The following ACER3 variants were observed in gnomAD, a reference collection of about 807,000 sequenced individuals.
ACER3 encodes alkaline ceramidase 3.
In ACER3, 16 loss-of-function variants were observed where a neutral mutation model predicts 48.9. That is an observed-to-expected ratio of 0.33 (90% CI 0.22 to 0.50). The LOEUF is 0.50. ACER3 is among the 20% of genes least tolerant of loss of function. ACER3 has a pLI of 0.98. For missense variants in ACER3, 227 were observed against 326.0 expected, an observed-to-expected ratio of 0.70 and a Z score of 2.34; for synonymous variants, 109 against 107.8, an observed-to-expected ratio of 1.01 and a Z score of -0.07.
chr11:76,962,778 G>C (rs569037029), intron 3 of ACER3, among the ~76,000 whole-genome samples: 1 of 151,442 alleles, frequency 6.6e-6, no homozygotes, highest in Non-Finnish European at 1.5e-5. Context: ...GTGGGGTTTG[G>C]GGCTGCTACC....
intron 10 of ACER3, 31 bp downstream of exon 10, chr11:77,019,807 G>T (rs1486780962): frequency 1.2e-6 from 2 of 1,605,908 alleles, no homozygotes; most frequent in African/African-American, 2.7e-5. Context: ...CTGTGTGTGT[G>T]TTGGGGGTAT....
At chr11:76,963,808 C>T (rs1948062824) in intron 3 of ACER3, among the ~76,000 whole-genome samples, 1 of 151,376 alleles carries the variant, frequency 6.6e-6, no homozygotes, top group African/African-American at 2.5e-5. Flanking sequence ...CCACATTATG[C>T]TGCGTTAAGA....
Position 77,010,237 on chromosome 11 carries a change from A to G in ACER3, c.498-4779A>G, listed in dbSNP as rs373194684. On this transcript the variant is annotated intron_variant, in intron 7 of 10. Transcript: ENST00000532485. The stretch of plus-strand genomic sequence containing the variant: ...GTGGCATGCTCTTGTAGTCCTAACT[A>G]CTCGAGAGGCTGAGGTGGGAGGATT... Among the ~76,000 whole-genome samples, 119 of 151,628 alleles carry G rather than the reference A, an allele frequency of 7.8e-4. 1 individual carries two copies. In the East Asian group the frequency reaches 0.023, roughly 29 times the overall value.
At chr11:76,932,136 G>T (rs1947018774) in intron 2 of ACER3, among the ~76,000 whole-genome samples, 1 of 151,928 alleles carries the variant, frequency 6.6e-6, no homozygotes, top group Non-Finnish European at 1.5e-5. Context: ...TTTTTGTAGA[G>T]ACAGGATTTC....
chr11:76,877,434 A>C (rs1408133312), intron 1 of ACER3, among the ~76,000 whole-genome samples: 2 of 152,110 alleles, frequency 1.3e-5, no homozygotes, highest in African/African-American at 4.8e-5. Flanking sequence ...TGATAAGGAG[A>C]GATTCTAGAT....
chr11:76,954,811 A>T (rs1947793564), intron 2 of ACER3, among the ~76,000 whole-genome samples: 1 of 152,074 alleles, frequency 6.6e-6, no homozygotes, highest in Admixed American at 6.5e-5. Flanking sequence ...CATGTTGGGC[A>T]GGCTGGTCTC....
chr11:76,877,797 T>TGG (rs1945423714), intron 1 of ACER3, among the ~76,000 whole-genome samples: 1 of 152,126 alleles, frequency 6.6e-6, no homozygotes, highest in Non-Finnish European at 1.5e-5. Flanking sequence ...AGATAACCAG[T>TGG]ATACTTAATT....
chr11:76,987,264 T>C (rs1168142615), intron 5 of ACER3, among the ~76,000 whole-genome samples: 1 of 152,154 alleles, frequency 6.6e-6, no homozygotes, highest in East Asian at 1.9e-4. Flanking sequence ...GCTGTGGGGT[T>C]GAAAAGAAAC....
intron 1 of ACER3, among the ~76,000 whole-genome samples, chr11:76,862,798 A>C (rs933704086): frequency 2.6e-5 from 4 of 152,260 alleles, no homozygotes; most frequent in African/African-American, 7.2e-5. Flanking sequence ...TCTGTCACTG[A>C]AAGTGTTAAA....
At chr11:77,019,871 A>C (rs144129518) in intron 10 of ACER3, 95 bp downstream of exon 10, 17 of 1,309,414 alleles carry the variant, frequency 1.3e-5, no homozygotes, top group Non-Finnish European at 1.9e-5. Flanking sequence ...TTGGAGAGGT[A>C]GTGGAGCAAA....
chr11:76,971,227 C>T (rs2135125775), intron 3 of ACER3, among the ~76,000 whole-genome samples: 1 of 152,134 alleles, frequency 6.6e-6, no homozygotes, highest in Admixed American at 6.6e-5. Flanking sequence ...TCCCCAAAGG[C>T]TCAATGATTT....
intron 1 of ACER3, among the ~76,000 whole-genome samples, chr11:76,916,333 G>T (rs1946529538): frequency 6.6e-6 from 1 of 152,130 alleles, no homozygotes; most frequent in Admixed American, 6.5e-5. Flanking sequence ...CAGTCTGTCT[G>T]GTTTTCTTTT....
chr11:76,930,634 A>G lies in ACER3; in HGVS notation c.214+3967A>G, dbSNP rs1488382807. On this transcript the variant is annotated intron_variant, in intron 2 of 10. Transcript: ENST00000532485. ...ATACATTTCCCTCTACACACTACTT[A>G]AATGTGTCCCAGAGATTCTGGTATG... 1.0e-3 allele frequency among the ~76,000 whole-genome samples: 151 copies of G among 151,746 alleles called. 1 individual carries two copies. Among genetic ancestry groups the G allele is most frequent in the African/African-American group, 2.0e-3 (81 of 41,252 alleles).
chr11:76,981,295 T>G (rs1346117117), intron 4 of ACER3, among the ~76,000 whole-genome samples: 3 of 152,168 alleles, frequency 2.0e-5, no homozygotes, highest in Middle Eastern at 6.3e-3. Context: ...ATTCCCCCAT[T>G]CAGAAAGAGC....
chr11:77,019,674 G>C, intron 9 of ACER3, 57 bp from the exon 10 acceptor site: 2 of 1,556,294 alleles, frequency 1.3e-6, no homozygotes, highest in Non-Finnish European at 8.9e-7. Flanking sequence ...CAGTACGCCA[G>C]TTTGCATGAA....
intron 2 of ACER3, among the ~76,000 whole-genome samples, chr11:76,945,266 A>G (rs1046834150): frequency 6.6e-6 from 1 of 152,030 alleles, no homozygotes; most frequent in Non-Finnish European, 1.5e-5. Flanking sequence ...TGATGGTGTC[A>G]GTTTCCTGCT....
rs1287889048 is a variant in ACER3 at position 77,025,197 on chromosome 11, C to CT, written c.*4873dup. ...CAGCAACCATATTTATTAGAGAAAT[C>CT]TTTAAGCATATACATATGGTTCCCT... On this transcript the variant is annotated 3_prime_UTR_variant, in exon 11 of 11. Coordinates refer to ENST00000532485, the MANE Select transcript of ACER3 (RefSeq NM_018367.7). 2 of 151,938 alleles carry CT rather than the reference C, an allele frequency of 1.3e-5. No homozygotes were observed. Among genetic ancestry groups the CT allele is most frequent in the Admixed American group, 6.6e-5 (1 of 15,256 alleles). The allele number at this position is 151,938 out of a possible 1,614,324, so 9.4% of individuals were successfully genotyped here.
In ACER3 at chr11:77,024,899, G is replaced by A. The variant is rs1264024092; in HGVS notation, c.*4572G>A. 31 of 152,040 alleles carry A rather than the reference G, an allele frequency of 2.0e-4. No homozygotes were observed. The highest frequency in any genetic ancestry group is 1.5e-5 in the Non-Finnish European group (1 of 68,012). 9.4% of individuals were successfully genotyped at this position (152,040 alleles called of 1,614,324 possible). On this transcript the variant is annotated 3_prime_UTR_variant, in exon 11 of 11. Coordinates refer to ENST00000532485, the MANE Select transcript of ACER3 (RefSeq NM_018367.7). Reference sequence around the variant, plus strand: ...TGCAAATCAAGAAATTCAGTTACAGGCTGCAAGTGACCTAAAATTCCCCTA... The same window carrying A: ...TGCAAATCAAGAAATTCAGTTACAGACTGCAAGTGACCTAAAATTCCCCTA...
rs139294966 is a variant in ACER3, at chr11:76,922,343, G to A, written c.104-4214G>A. Reference sequence around the variant, plus strand: ...CAGCTAAATTTAATACTACCTGTACGTTTGGGCATGTTTCCATTGCTTTAT... The same window carrying A: ...CAGCTAAATTTAATACTACCTGTACATTTGGGCATGTTTCCATTGCTTTAT... On this transcript the variant is annotated intron_variant, in intron 1 of 10. Transcript: ENST00000532485. Among the ~76,000 whole-genome samples the A allele has an allele frequency of 5.9e-5, 9 of 152,184 alleles. No homozygotes were observed. The East Asian group carries it at 9.6e-4, about 16-fold the overall frequency.
Sources: gnomAD v4.1 joint callset for allele counts (sites outside exome capture counted in the v4.1 genomes callset) on GRCh38, gnomAD v4.1.1 for gene constraint, MANE v1.5 for transcripts, NCBI Gene and HGNC (gene_info 2026-07-23, HGNC 2026-07-21) for gene names.